Variants in PATJ observed in about 807,000 individuals in gnomAD.
PATJ encodes inaD-like protein.
PATJ carries 190 observed loss-of-function variants against 224.9 expected under a neutral mutation model. That is an observed-to-expected ratio of 0.84 (90% CI 0.75 to 0.95). The LOEUF (loss-of-function observed/expected upper bound fraction) is 0.95, where lower values mean the gene tolerates loss of function less well. PATJ is among the 40% of genes least tolerant of loss of function. The pLI is 0.00. For synonymous variants in PATJ, 769 were observed against 820.3 expected, an observed-to-expected ratio of 0.94 and a Z score of 1.07; for missense variants, 2,121 against 2,270.3, an observed-to-expected ratio of 0.93 and a Z score of 1.34.
intron 27 of PATJ, among the ~76,000 whole-genome samples, chr1:61,954,722 T>G (rs1356451204): frequency 4.6e-5 from 7 of 151,892 alleles, no homozygotes; most frequent in Non-Finnish European, 8.8e-5. Flanking sequence ...ACTTTTATCT[T>G]TTTCTTACAT....
Position 62,153,369 on chromosome 1 carries a change from C to T in PATJ, c.5390C>T (p.Pro1797Leu). The T allele has an allele frequency of 8.1e-7, 1 of 1,231,588 alleles. No homozygotes were observed. Among genetic ancestry groups the T allele is most frequent in the East Asian group, 3.2e-5 (1 of 31,690 alleles). 76.3% of individuals were successfully genotyped at this position (1,231,588 alleles called of 1,614,324 possible). The stretch of plus-strand genomic sequence containing the variant: ...CATTGTGTTTTCAGAACACCTCCAC[C>T]TAAGATTATTACTTTGGAGAAAGGC... ...HHPEDTETPP[P>L]KIITLEKGSE... The change falls in exon 43 of 44, where the codon CCT (proline) becomes CTT (leucine). Residue 1797 changes from proline to leucine, a missense_variant. Transcript: ENST00000642238.
At position 62,106,154 on chromosome 1, in the gene PATJ, G is replaced by GTATATA. The variant is rs1357638316; in HGVS notation, c.4378-2282_4378-2281insATATAT. On this transcript the variant is annotated intron_variant, in intron 33 of 43. Transcript: ENST00000642238. ...TATATACATGTGTATATGTGTGTGT[G>GTATATA]TGTGTATATATATATATATATATAT... 1.3e-3 allele frequency among the ~76,000 whole-genome samples: 63 copies of GTATATA among 48,440 alleles called. 5 individuals carry two copies. Among genetic ancestry groups the GTATATA allele is most frequent in the Non-Finnish European group, 1.8e-3 (39 of 22,278 alleles). The allele number at this position is 48,440 out of a possible 152,430, so 31.8% of individuals were successfully genotyped here.
intron 27 of PATJ, among the ~76,000 whole-genome samples, chr1:61,966,125 C>T (rs1682096974): frequency 6.6e-6 from 1 of 152,122 alleles, no homozygotes; most frequent in Non-Finnish European, 1.5e-5. Context: ...TGTTCTCGAA[C>T]TCCTGACCTT....
chr1:62,020,920 G>A (rs546144989), intron 29 of PATJ, among the ~76,000 whole-genome samples: 2 of 152,188 alleles, frequency 1.3e-5, no homozygotes, highest in South Asian at 4.2e-4. Context: ...CTGCCTCCCA[G>A]GCTCAAACAA....
At chr1:61,751,129 A>G (rs1645299387) in intron 1 of PATJ, among the ~76,000 whole-genome samples, 1 of 151,430 alleles carries the variant, frequency 6.6e-6, no homozygotes, top group Non-Finnish European at 1.5e-5. Flanking sequence ...AGCCTCCCGA[A>G]TAGCTGGGAT....
At chr1:62,115,997 G>A (rs1664408713) in intron 35 of PATJ, among the ~76,000 whole-genome samples, 1 of 152,138 alleles carries the variant, frequency 6.6e-6, no homozygotes, top group Admixed American at 6.6e-5. Context: ...AACTGACAGA[G>A]CCAGTGTTGA....
chr1:61,919,125 G>T (rs1053231440), intron 26 of PATJ, among the ~76,000 whole-genome samples: 2 of 150,710 alleles, frequency 1.3e-5, no homozygotes, highest in Non-Finnish European at 1.5e-5. Context: ...AAGTGTGTTC[G>T]TCTTATCTGT....
chr1:61,954,649 G>A (rs1201357675), intron 27 of PATJ, among the ~76,000 whole-genome samples: 1 of 151,962 alleles, frequency 6.6e-6, no homozygotes. Flanking sequence ...CAGGAGGTAA[G>A]AAATATCACT....
intron 14 of PATJ, among the ~76,000 whole-genome samples, chr1:61,810,889 A>G (rs1392364774): frequency 1.3e-5 from 2 of 152,098 alleles, no homozygotes; most frequent in Non-Finnish European, 2.9e-5. Flanking sequence ...GCGCCATTGC[A>G]TTTCAGCCTG....
rs1660065335 is a variant in PATJ, at chr1:62,086,911, G to T, written c.4377+2263G>T. Among the ~76,000 whole-genome samples the T allele has an allele frequency of 6.6e-6, 1 of 152,298 alleles. No homozygotes were observed. Among genetic ancestry groups the T allele is most frequent in the South Asian group, 2.1e-4 (1 of 4,820 alleles). On this transcript the variant is annotated intron_variant, in intron 33 of 43. Transcript: ENST00000642238. The surrounding 1 kb of genome is among the most constrained non-coding windows in gnomAD (Gnocchi z 4.0). The stretch of plus-strand genomic sequence containing the variant: ...CCCCTCGGCCAGACCAGGTAGGGGT[G>T]CCTGCGACCCCTGAAGCCCCAGAGA...
At chr1:61,964,730 G>A (rs1033257032) in intron 27 of PATJ, among the ~76,000 whole-genome samples, 2 of 151,992 alleles carry the variant, frequency 1.3e-5, no homozygotes, top group African/African-American at 4.8e-5. Context: ...TGAGGCTGCG[G>A]TGAGCCAAGA....
chr1:62,051,130 G>A, intron 31 of PATJ, 72 bp downstream of exon 31: 1 of 1,116,556 alleles, frequency 9.0e-7, no homozygotes, highest in East Asian at 2.5e-5. Flanking sequence ...TACCACCTTG[G>A]AAAGAACCAC....
Position 61,856,075 on chromosome 1 carries a change from G to C in PATJ, c.2158G>C (p.Val720Leu), listed in dbSNP as rs1269442322. 6.2e-7 allele frequency: 1 copy of C among 1,614,038 alleles called. No individual in the cohort carries two copies. The highest frequency in any genetic ancestry group is 1.3e-5 in the African/African-American group (1 of 74,930). Residue 720 changes from valine (V) to leucine (L), a missense_variant, in exon 18 of 44, where the codon GTA becomes CTA. Transcript: ENST00000642238. ...TRSVIVIRSL[V>L]ADGVAERSGG... ...ATCAGTGATTGTGATCCGCTCCCTG[G>C]TAGCAGATGGTGTAGCAGAAAGAAG...
intron 28 of PATJ, among the ~76,000 whole-genome samples, chr1:62,010,660 C>T (rs545443724): frequency 6.6e-6 from 1 of 152,264 alleles, no homozygotes; most frequent in Admixed American, 6.5e-5. Flanking sequence ...ATATATACCA[C>T]ATTTTCATTA....
At chr1:61,982,392 G>A (rs1644496833) in intron 27 of PATJ, among the ~76,000 whole-genome samples, 1 of 152,018 alleles carries the variant, frequency 6.6e-6, no homozygotes, top group Non-Finnish European at 1.5e-5. Flanking sequence ...AGAGATGGCT[G>A]TGGTGTGATG....
At chr1:62,129,630 G>A (rs148941348) in intron 41 of PATJ, among the ~76,000 whole-genome samples, 11 of 152,346 alleles carry the variant, frequency 7.2e-5, no homozygotes, top group African/African-American at 2.4e-4. Flanking sequence ...CCATAGGTCT[G>A]CAGAGGTAAT....
chr1:62,145,959 AAAAT>A (rs1162119537), intron 41 of PATJ, among the ~76,000 whole-genome samples: 2 of 152,282 alleles, frequency 1.3e-5, no homozygotes, highest in Non-Finnish European at 1.5e-5. Flanking sequence ...CTCTGTCTCA[AAAAT>A]AAATAAACAA....
At chr1:61,886,819 CA>C (rs35950461) in intron 22 of PATJ, among the ~76,000 whole-genome samples, 74,397 of 89,682 alleles carry the variant, frequency 0.83, 33,215 homozygotes, top group East Asian at 0.98. Flanking sequence ...GACCCCATCT[CA>C]AAAAAAAAAA....
chr1:62,049,091 T>G (rs1387326705), intron 30 of PATJ, among the ~76,000 whole-genome samples: 2 of 152,240 alleles, frequency 1.3e-5, no homozygotes, highest in South Asian at 2.1e-4. Context: ...TCTTTAATTT[T>G]TTTTTCTTCT....
Sources: gnomAD v4.1 joint callset for allele counts (sites outside exome capture counted in the v4.1 genomes callset) on GRCh38, gnomAD v4.1.1 for gene constraint, Gnocchi (gnomAD v3.1) non-coding constraint, MANE v1.5 for transcripts, NCBI Gene and HGNC (gene_info 2026-07-23, HGNC 2026-07-21) for gene names.